Variants in CHD1L observed in about 807,000 individuals in gnomAD.
CHD1L encodes the protein ATP-dependent chromatin remodeler CHD1L.
CHD1L carries 118 observed loss-of-function variants against 115.9 expected under a neutral mutation model. The ratio of observed to expected loss-of-function variants is 1.02; its 90% CI spans 0.88 to 1.19. The LOEUF is 1.19. CHD1L is among the 50% of genes most tolerant of loss of function. The pLI is 0.00. For synonymous variants in CHD1L, 411 were observed against 387.1 expected (o/e 1.06, Z -0.72); for missense variants, 1,179 against 1,065.3 (o/e 1.11, Z -1.49).
chr1:147,203,569 T>C, the CHD1L span: 1 of 1,000,434 alleles, frequency 1.0e-6, no homozygotes, highest in South Asian at 1.3e-5. Context: ...TTCTCCAGAG[T>C]ATTTCTGCCA....
chr1:147,178,050 C>G, the CHD1L span: 1 of 853,386 alleles, frequency 1.2e-6, no homozygotes, highest in Non-Finnish European at 1.7e-6. Flanking sequence ...TGGTCGCGCG[C>G]CCGACCGCCG....
chr1:147,204,506 G>T, the CHD1L span: 3 of 1,556,820 alleles, frequency 1.9e-6, no homozygotes, highest in Non-Finnish European at 2.7e-6. Context: ...AAATTAGGAA[G>T]AATCTCATGA....
chr1:147,212,026 A>G, the CHD1L span, among the ~76,000 whole-genome samples: 21 of 152,274 alleles, frequency 1.4e-4, no homozygotes, highest in African/African-American at 3.6e-4. Context: ...CTGCTGGCCA[A>G]TTGAAGATCC....
the CHD1L span, chr1:147,212,276 C>G: frequency 7.7e-6 from 8 of 1,043,728 alleles, no homozygotes; most frequent in Admixed American, 1.8e-4. Flanking sequence ...ATATTTGCCA[C>G]TGGCACTGAA....
chr1:147,208,169 C>T, the CHD1L span, among the ~76,000 whole-genome samples: 1 of 152,156 alleles, frequency 6.6e-6, no homozygotes, highest in Admixed American at 6.5e-5. Flanking sequence ...ATTACTATTA[C>T]TATTATGTCT....
intron 20 of CHD1L, among the ~76,000 whole-genome samples, chr1:147,292,704 T>A (rs587747606): frequency 6.6e-6 from 1 of 152,172 alleles, no homozygotes; most frequent in African/African-American, 2.4e-5. Flanking sequence ...GTATCACACA[T>A]GGCAAGAGCA....
At position 147,259,771 on chromosome 1, in the gene CHD1L, A is replaced by G. The variant is rs1671294759; in HGVS notation, c.495-66A>G. 3.7e-6 allele frequency: 5 copies of G among 1,364,552 alleles called. No individual in the cohort carries two copies. In the African/African-American group the frequency reaches 5.8e-5, roughly 16 times the overall value. The allele number at this position is 1,364,552 out of a possible 1,614,324, so 84.5% of individuals were successfully genotyped here. On this transcript the variant is annotated intron_variant, in intron 5 of 22. Transcript: ENST00000369258. ...TAATAACAGTCACAGTTTTGTAGTA[A>G]GACTTTTGATTGTGAAATATGTGTT...
At chr1:147,289,610 CTG>C (rs1684710122) in intron 19 of CHD1L, among the ~76,000 whole-genome samples, 1 of 152,240 alleles carries the variant, frequency 6.6e-6, no homozygotes, top group East Asian at 1.9e-4. Context: ...GTAGGTGAAA[CTG>C]TGGATTCCAA....
In CHD1L at chr1:147,287,562, G is replaced by T. The variant is rs1683681685; in HGVS notation, c.2222-73G>T. Reference sequence around the variant, plus strand: ...TCATTCTTCCACAAGTCCCTTTTGTGTGCCTTTGTTTTTCTAAATTGTGCA... The same window carrying T: ...TCATTCTTCCACAAGTCCCTTTTGTTTGCCTTTGTTTTTCTAAATTGTGCA... On this transcript the variant is annotated intron_variant, in intron 18 of 22. Coordinates refer to ENST00000369258, the MANE Select transcript of CHD1L (RefSeq NM_004284.6). 7.9e-6 allele frequency: 8 copies of T among 1,017,712 alleles called. No individual in the cohort carries two copies. The African/African-American group carries it at 1.3e-4, about 17-fold the overall frequency. 63.0% of individuals were successfully genotyped at this position (1,017,712 alleles called of 1,614,324 possible).
the CHD1L span, among the ~76,000 whole-genome samples, chr1:147,201,946 A>T: frequency 2.6e-5 from 4 of 152,202 alleles, no homozygotes; most frequent in Admixed American, 1.3e-4. Context: ...GATAAATTAC[A>T]TGTATGTAGC....
chr1:147,265,863 G>A, intron 7 of CHD1L, 69 bp from the exon 8 acceptor site: 1 of 1,399,156 alleles, frequency 7.1e-7, no homozygotes, highest in Non-Finnish European at 9.6e-7. Context: ...ATTTCTTTAA[G>A]TTCTCTAGGG....
the CHD1L span, chr1:147,201,558 C>G: frequency 7.1e-7 from 1 of 1,414,474 alleles, no homozygotes; most frequent in South Asian, 1.3e-5. Context: ...GAAATCAGTA[C>G]CACATAAGTA....
the CHD1L span, among the ~76,000 whole-genome samples, chr1:147,195,293 T>C: frequency 6.6e-6 from 1 of 151,908 alleles, no homozygotes; most frequent in Non-Finnish European, 1.5e-5. Context: ...CAAACCCAAA[T>C]AATTTTTTTT....
chr1:147,178,402 G>A, the CHD1L span: 1 of 1,611,494 alleles, frequency 6.2e-7, no homozygotes, highest in Non-Finnish European at 8.5e-7. Flanking sequence ...TAAATATGGA[G>A]TCAGTGGATA....
the CHD1L span, chr1:147,213,235 A>G: frequency 2.4e-6 from 3 of 1,263,068 alleles, no homozygotes; most frequent in Non-Finnish European, 3.2e-6. Context: ...TACTCAGACC[A>G]CAATCCTCCC....
chr1:147,288,322 C>CATAAAAAAAAAAAAAAAAAAAA (rs1452486110), intron 19 of CHD1L, among the ~76,000 whole-genome samples: 1 of 87,892 alleles, frequency 1.1e-5, no homozygotes, highest in African/African-American at 4.8e-5. Flanking sequence ...GACCCTGTTT[C>CATAAAAAAAAAAAAAAAAAAAA]AATAAAAAAA....
At chr1:147,208,677 G>A in the CHD1L span, 12 of 522,928 alleles carry the variant, frequency 2.3e-5, no homozygotes, top group African/African-American at 1.4e-4. Flanking sequence ...GAGCTCAGGT[G>A]ATCCACCCGC....
rs781941125 is a variant in CHD1L, at chr1:147,254,863, G to A, written c.241-7G>A. On this transcript the variant is annotated splice_polypyrimidine_tract_variant and splice_region_variant and intron_variant, in intron 2 of 22. Coordinates refer to ENST00000369258, the MANE Select transcript of CHD1L (RefSeq NM_004284.6). Reference sequence around the variant, plus strand: ...ATCAAAACTGCCTTTCTTTTTCTGTGTTCCAGACTATTGCTCTCTTCATTT... The same window carrying A: ...ATCAAAACTGCCTTTCTTTTTCTGTATTCCAGACTATTGCTCTCTTCATTT... 6.3e-7 allele frequency: 1 copy of A among 1,586,642 alleles called. No homozygotes were observed. Among genetic ancestry groups the A allele is most frequent in the Non-Finnish European group, 8.6e-7 (1 of 1,168,300 alleles).
chr1:147,175,816 C>G, the CHD1L span: 2 of 151,908 alleles, frequency 1.3e-5, no homozygotes, highest in Admixed American at 6.6e-5. Flanking sequence ...AAAAGAATAA[C>G]TCGATACATA....
Sources: gnomAD v4.1 joint callset for allele counts (sites outside exome capture counted in the v4.1 genomes callset) on GRCh38, gnomAD v4.1.1 for gene constraint, MANE v1.5 for transcripts, NCBI Gene and HGNC (gene_info 2026-07-23, HGNC 2026-07-21) for gene names.